The following DMD variants were observed in gnomAD, a reference collection of about 807,000 sequenced individuals.
DMD encodes dystrophin.
DMD carries 63 observed loss-of-function variants against 330.1 expected under a neutral mutation model. The ratio of observed to expected loss-of-function variants is 0.19; its 90% CI spans 0.16 to 0.24. The LOEUF (loss-of-function observed/expected upper bound fraction) is 0.24, where lower values mean the gene tolerates loss of function less well. Among genes scored for constraint, DMD ranks in the 10% least tolerant of loss-of-function variants. The pLI is 1.00. For missense variants in DMD, 3,344 were observed against 2,684.1 expected (o/e 1.25, Z -5.43); for synonymous variants, 1,223 against 959.8 (o/e 1.27, Z -5.07).
intron 61 of DMD, among the ~76,000 whole-genome samples, chrX:31,330,503 G>A (rs1050847790): frequency 9.0e-6 from 1 of 111,442 alleles, no homozygotes; most frequent in Admixed American, 9.6e-5. Context: ...GGGAGTAGAC[G>A]GAGGGGAAGC....
chrX:31,299,927 C>G (rs1306247384), intron 62 of DMD, among the ~76,000 whole-genome samples: 1 of 110,910 alleles, frequency 9.0e-6, no homozygotes, highest in South Asian at 3.8e-4. Flanking sequence ...CACAAGGAAA[C>G]AGAGAACATT....
chrX:33,218,859 C>T (rs978577457), intron 1 of DMD, among the ~76,000 whole-genome samples: 3 of 111,457 alleles, frequency 2.7e-5, no homozygotes, highest in Non-Finnish European at 3.8e-5. Flanking sequence ...ACACAGATTT[C>T]CCCTGTCTCC....
chrX:32,802,993 G>A (rs961506388), intron 7 of DMD, among the ~76,000 whole-genome samples: 2 of 111,692 alleles, frequency 1.8e-5, no homozygotes, highest in Non-Finnish European at 3.8e-5. Flanking sequence ...AAATGAGTTA[G>A]GGAGGAGTCC....
chrX:33,165,913 G>GC (rs2049028386), intron 1 of DMD, among the ~76,000 whole-genome samples: 1 of 111,631 alleles, frequency 9.0e-6, no homozygotes, highest in South Asian at 3.7e-4. Context: ...AAACAAGAAA[G>GC]CTCTAGTGGA....
intron 60 of DMD, among the ~76,000 whole-genome samples, chrX:31,390,174 C>T (rs1321062685): frequency 9.1e-6 from 1 of 109,811 alleles, no homozygotes; most frequent in African/African-American, 3.3e-5. Context: ...GAAAGCCATC[C>T]ATCACTTACA....
chrX:32,564,765 A>C (rs2051488358), intron 16 of DMD, among the ~76,000 whole-genome samples: 1 of 111,605 alleles, frequency 9.0e-6, no homozygotes, highest in Non-Finnish European at 1.9e-5. Context: ...TACAAACTTC[A>C]TGTCTCCAAA....
At position 33,190,562 on chromosome X, in the gene DMD, A is replaced by G. The variant is rs2050487939; in HGVS notation, c.31+20720T>C. The stretch of plus-strand genomic sequence containing the variant: ...GACTGCAGTGGCGCAATCTCGGCTC[A>G]CTGCAAGCTCCGCTTCCCGGGTTCA... On this transcript the variant is annotated intron_variant, in intron 1 of 78. Coordinates refer to ENST00000357033, the MANE Select transcript of DMD (RefSeq NM_004006.3). Among the ~76,000 whole-genome samples, 2 of 24,999 alleles carry G rather than the reference A, an allele frequency of 8.0e-5. 1 individual carries two copies. Among genetic ancestry groups the G allele is most frequent in the African/African-American group, 1.5e-4 (2 of 13,417 alleles). 21.7% of individuals were successfully genotyped at this position (24,999 alleles called of 115,157 possible).
At chrX:32,770,394 T>C (rs977715117) in intron 7 of DMD, among the ~76,000 whole-genome samples, 9 of 111,596 alleles carry the variant, frequency 8.1e-5, no homozygotes, top group African/African-American at 2.9e-4. Context: ...AAAACTACAT[T>C]TACAATGATT....
intron 78 of DMD, among the ~76,000 whole-genome samples, chrX:31,125,255 G>A: frequency 8.9e-6 from 1 of 111,768 alleles, no homozygotes; most frequent in Non-Finnish European, 1.9e-5. Flanking sequence ...CATGAACCAG[G>A]CAAACCGTCA....
chrX:31,511,964 T>C (rs1326936977), intron 55 of DMD, among the ~76,000 whole-genome samples: 1 of 109,403 alleles, frequency 9.1e-6, no homozygotes, highest in Admixed American at 9.8e-5. Flanking sequence ...TGTAGAAGTG[T>C]TCCTATTTCT....
chrX:32,687,465 C>T (rs1201790451), intron 9 of DMD, among the ~76,000 whole-genome samples: 1 of 111,733 alleles, frequency 8.9e-6, no homozygotes, highest in Non-Finnish European at 1.9e-5. Flanking sequence ...AGAAGTTATA[C>T]TATGTGACTT....
At chrX:31,501,566 T>G (rs2070412767) in intron 56 of DMD, among the ~76,000 whole-genome samples, 1 of 111,794 alleles carries the variant, frequency 8.9e-6, no homozygotes, top group African/African-American at 3.2e-5. Flanking sequence ...CGCAGAGCCT[T>G]TAGATGTGCT....
chrX:33,241,685 G>T (rs1004409337), intron 1 of DMD, among the ~76,000 whole-genome samples: 2 of 111,648 alleles, frequency 1.8e-5, no homozygotes, highest in African/African-American at 6.5e-5. Context: ...TTTATTTGTG[G>T]CTTCTTCAAT....
intron 44 of DMD, among the ~76,000 whole-genome samples, chrX:32,166,598 A>T (rs900124967): frequency 3.6e-5 from 4 of 111,770 alleles, no homozygotes; most frequent in Non-Finnish European, 7.5e-5. Context: ...CTAACTTCCC[A>T]TTACTATATG....
At chrX:31,216,684 G>A (rs892837752) in intron 64 of DMD, among the ~76,000 whole-genome samples, 12 of 111,799 alleles carry the variant, frequency 1.1e-4, no homozygotes, top group Admixed American at 7.6e-4. Context: ...GCAATAGAGC[G>A]CGGATTTGTA....
chrX:31,706,621 TTATTACA>T (rs1340854942), intron 52 of DMD, among the ~76,000 whole-genome samples: 1 of 111,590 alleles, frequency 9.0e-6, no homozygotes, highest in African/African-American at 3.3e-5. Flanking sequence ...AAGCACTAAC[TTATTACA>T]TGTAACTAGT....
At chrX:32,324,017 G>A (rs1246406631) in intron 41 of DMD, among the ~76,000 whole-genome samples, 1 of 110,870 alleles carries the variant, frequency 9.0e-6, no homozygotes, top group Non-Finnish European at 1.9e-5. Context: ...AATGGGTGAA[G>A]AGAGATTGGT....
intron 1 of DMD, among the ~76,000 whole-genome samples, chrX:33,109,739 A>G (rs930829635): frequency 9.0e-6 from 1 of 111,333 alleles, no homozygotes; most frequent in East Asian, 2.8e-4. Flanking sequence ...CCTTACAGGT[A>G]GATGTTGTTT....
intron 44 of DMD, among the ~76,000 whole-genome samples, chrX:32,184,788 G>A (rs1458566192): frequency 9.7e-6 from 1 of 102,691 alleles, no homozygotes; most frequent in East Asian, 3.4e-4. Flanking sequence ...GAAAAGGCAA[G>A]TGGTTAGAAA....
Sources: allele counts gnomAD v4.1 joint callset (sites outside exome capture counted in the v4.1 genomes callset), GRCh38; gene constraint gnomAD v4.1.1; transcripts MANE v1.5; gene names NCBI Gene and HGNC (gene_info 2026-07-23, HGNC 2026-07-21).